The following POM121C variants were observed in gnomAD, a reference collection of about 807,000 sequenced individuals.
POM121C encodes the protein nuclear envelope pore membrane protein POM 121C.
In POM121C, 20 loss-of-function variants were observed where a neutral mutation model predicts 66.4. The observed-to-expected ratio is 0.30, with a 90% CI of 0.21 to 0.44. POM121C has a LOEUF of 0.44. Ranked by LOEUF, POM121C falls within the 20% of genes least tolerant of loss-of-function variation. The pLI is 1.00. For missense variants in POM121C, 580 were observed against 1,225.7 expected, an observed-to-expected ratio of 0.47 and a Z score of 7.87; for synonymous variants, 286 against 528.0, an observed-to-expected ratio of 0.54 and a Z score of 6.28.
At chr7:75,437,751 G>C in intron 6 of POM121C, 65 bp from the exon 7 acceptor site, 5 of 1,497,286 alleles carry the variant, frequency 3.3e-6, no homozygotes, top group Non-Finnish European at 3.6e-6. Flanking sequence ...TTTCATCCAC[G>C]GTCATGACAT....
intron 3 of POM121C, among the ~76,000 whole-genome samples, chr7:75,447,007 C>CAAAAAA (rs60389539): frequency 5.6e-5 from 3 of 53,530 alleles, no homozygotes; most frequent in Non-Finnish European, 9.2e-5. Flanking sequence ...GACTCCGTCT[C>CAAAAAA]AAAAAAAAAA....
intron 7 of POM121C, among the ~76,000 whole-genome samples, chr7:75,426,932 G>A (rs1459151737): frequency 1.3e-5 from 2 of 149,894 alleles, no homozygotes; most frequent in Non-Finnish European, 3.0e-5. Context: ...TAAAAGTAAT[G>A]GAATGTGAAT....
intron 3 of POM121C, among the ~76,000 whole-genome samples, chr7:75,448,023 CAA>C (rs3973313): frequency 6.1e-5 from 6 of 98,340 alleles, no homozygotes; most frequent in South Asian, 3.5e-4. Context: ...GACTCCGTCT[CAA>C]AAAAAAAAAA....
chr7:75,421,387 T>C (rs1356685807), intron 13 of POM121C, 122 bp downstream of exon 13: 1 of 1,506,756 alleles, frequency 6.6e-7, no homozygotes, highest in Non-Finnish European at 8.9e-7. Context: ...GGCATCTCAC[T>C]GAGTTCTATA....
At chr7:75,475,491 T>G (rs1792040342) in intron 1 of POM121C, among the ~76,000 whole-genome samples, 1 of 151,664 alleles carries the variant, frequency 6.6e-6, no homozygotes, top group Non-Finnish European at 1.5e-5. Flanking sequence ...GAGATAAACA[T>G]GTAAACAAAC....
intron 7 of POM121C, among the ~76,000 whole-genome samples, chr7:75,429,443 C>A (rs1368545121): frequency 9.2e-5 from 14 of 151,926 alleles, no homozygotes; most frequent in African/African-American, 2.9e-4. Flanking sequence ...ACCAGCCTGG[C>A]CAACAAGGTG....
chr7:75,482,845 C>T (rs1792361439), intron 1 of POM121C, among the ~76,000 whole-genome samples: 2 of 152,140 alleles, frequency 1.3e-5, no homozygotes, highest in South Asian at 4.1e-4. Flanking sequence ...ACAAAGGGTA[C>T]TGTGAGGAAG....
At chr7:75,425,957 C>T (rs1237066052) in intron 8 of POM121C, among the ~76,000 whole-genome samples, 1 of 151,686 alleles carries the variant, frequency 6.6e-6, no homozygotes, top group Non-Finnish European at 1.5e-5. Flanking sequence ...ACCTTACTTA[C>T]AACCTACCAA....
chr7:75,450,381 TC>T (rs782539187), intron 3 of POM121C, among the ~76,000 whole-genome samples: 4 of 152,162 alleles, frequency 2.6e-5, no homozygotes, highest in Non-Finnish European at 4.4e-5. Flanking sequence ...TGGGGAGAAT[TC>T]CTCTAGGAAA....
intron 3 of POM121C, among the ~76,000 whole-genome samples, chr7:75,458,351 G>A (rs1791319804): frequency 6.6e-6 from 1 of 152,168 alleles, no homozygotes; most frequent in African/African-American, 2.4e-5. Context: ...GCAACAGAGT[G>A]AGACCTTGTC....
At chr7:75,483,384 G>T (rs1247607420) in intron 1 of POM121C, among the ~76,000 whole-genome samples, 1 of 152,062 alleles carries the variant, frequency 6.6e-6, no homozygotes, top group African/African-American at 2.4e-5. Context: ...TATGGTTTCG[G>T]TGTGTGTCGC....
At chr7:75,452,517 G>A (rs1323394381) in intron 3 of POM121C, among the ~76,000 whole-genome samples, 6 of 152,164 alleles carry the variant, frequency 3.9e-5, no homozygotes, top group African/African-American at 1.4e-4. Context: ...TATTAGCTCC[G>A]AATAGATGTC....
chr7:75,462,221 T>C (rs1405150636), intron 3 of POM121C, among the ~76,000 whole-genome samples: 1 of 151,348 alleles, frequency 6.6e-6, no homozygotes, highest in Non-Finnish European at 1.5e-5. Flanking sequence ...CGAGATCTGA[T>C]GGTTTTTAAG....
chr7:75,483,610 T>C (rs1198353841), intron 1 of POM121C, among the ~76,000 whole-genome samples: 3 of 152,146 alleles, frequency 2.0e-5, no homozygotes, highest in African/African-American at 7.2e-5. Context: ...TCTATAGCAG[T>C]GTGAGAATGG....
Position 75,416,928 on chromosome 7 carries a change from T to A in POM121C, c.*1868A>T. The A allele has an allele frequency of 7.0e-7, 1 of 1,424,266 alleles. No individual in the cohort carries two copies. Among genetic ancestry groups the A allele is most frequent in the East Asian group, 2.5e-5 (1 of 39,380 alleles). The allele number at this position is 1,424,266 out of a possible 1,614,324, so 88.2% of individuals were successfully genotyped here. On this transcript the variant is annotated 3_prime_UTR_variant, in exon 15 of 15. Coordinates refer to ENST00000615331, the MANE Select transcript of POM121C (RefSeq NM_001099415.3). ...CCCAGCCTCCCGCTGCCGTCCAGTG[T>A]GTGTACTGTACACATCCACACTCAC...
At position 75,475,327 on chromosome 7, in the gene POM121C, T is replaced by A. The variant is rs1314113056; in HGVS notation, c.-457-139A>T. 3 of 926,556 alleles carry A rather than the reference T, an allele frequency of 3.2e-6. No individual in the cohort carries two copies. In the South Asian group the frequency reaches 5.1e-5, roughly 16 times the overall value. The allele number at this position is 926,556 out of a possible 1,614,324, so 57.4% of individuals were successfully genotyped here. A position where few individuals can be genotyped will look rare whatever the true frequency, so the allele number is the denominator to read the frequency against. On this transcript the variant is annotated intron_variant, in intron 1 of 14. Transcript: ENST00000615331. ...TACAGATTATGGAAGGGAAATCATATTGGAAACACATATCCTTTGGGGTCC... is the reference window on the plus strand; with the variant it reads ...TACAGATTATGGAAGGGAAATCATAATGGAAACACATATCCTTTGGGGTCC...
chr7:75,423,673 A>G (rs390023), intron 12 of POM121C, among the ~76,000 whole-genome samples: 21,554 of 150,996 alleles, frequency 0.14, 1,967 homozygotes, highest in African/African-American at 0.28. Context: ...AGCAGCCCTC[A>G]AAGTGCTGGA....
rs1261113704 is a variant in POM121C, at chr7:75,424,210, G to C, written c.887C>G (p.Ser296Cys). 14 of 1,611,916 alleles carry C rather than the reference G, an allele frequency of 8.7e-6. No individual in the cohort carries two copies. The highest frequency in any genetic ancestry group is 1.2e-5 in the Non-Finnish European group (14 of 1,179,860). ...LEDKSDAASN[S>C]VTETPPTTQP... is the part of the protein sequence containing the mutation. Reference sequence around the variant, plus strand: ...AGTGGTAGGTGGGGTCTCAGTGACAGAGTTCGAGGCAGCATCTAAGAAAGA... The same window carrying C: ...AGTGGTAGGTGGGGTCTCAGTGACACAGTTCGAGGCAGCATCTAAGAAAGA... The change falls in exon 12 of 15, where the codon TCT becomes TGT. Residue 296 changes from serine to cysteine, a missense_variant. Physicochemically the swap from Ser to Cys is moderately radical, Grantham distance 112. Transcript: ENST00000615331.
chr7:75,462,937 C>T (rs1554477245), intron 3 of POM121C, among the ~76,000 whole-genome samples: 2 of 152,058 alleles, frequency 1.3e-5, no homozygotes, highest in African/African-American at 4.8e-5. Context: ...AGAGCACATT[C>T]TCAGAATAGA....
Sources: allele counts gnomAD v4.1 joint callset (sites outside exome capture counted in the v4.1 genomes callset), GRCh38; gene constraint gnomAD v4.1.1; transcripts MANE v1.5; gene names NCBI Gene and HGNC (gene_info 2026-07-23, HGNC 2026-07-21).